Variants in NRDC observed in about 807,000 individuals in gnomAD.
NRDC encodes the protein nardilysin convertase, also known as nardilysin.
Under a neutral mutation model 147.1 loss-of-function variants are expected in NRDC, and 54 were observed. That is an observed-to-expected ratio of 0.37 (90% confidence interval 0.29 to 0.46). NRDC has a LOEUF of 0.46. NRDC is among the 20% of genes least tolerant of loss of function. The probability of loss-of-function intolerance (pLI) is 1.00; values close to 1 mark genes in which losing one functional copy is unlikely to be tolerated. For synonymous variants in NRDC, 440 were observed against 482.1 expected, an observed-to-expected ratio of 0.91 and a Z score of 1.14; for missense variants, 1,082 against 1,370.6, an observed-to-expected ratio of 0.79 and a Z score of 3.33.
chr1:51,818,238 G>A (rs1385321742), intron 9 of NRDC, 103 bp from the exon 10 acceptor site: 9 of 746,030 alleles, frequency 1.2e-5, no homozygotes, highest in African/African-American at 1.8e-5. Context: ...AATAAACAAG[G>A]AAAGGTTAAG....
intron 1 of NRDC, among the ~76,000 whole-genome samples, chr1:51,877,041 A>G (rs1368651112): frequency 6.6e-6 from 1 of 152,136 alleles, no homozygotes; most frequent in Non-Finnish European, 1.5e-5. Flanking sequence ...ACAAAAAATT[A>G]GCCGGGCGTG....
At chr1:51,792,261 C>G (rs1365175838) in intron 25 of NRDC, 116 bp downstream of exon 25, 2 of 1,344,190 alleles carry the variant, frequency 1.5e-6, no homozygotes, top group Non-Finnish European at 2.1e-6. Flanking sequence ...ATGACCATCT[C>G]ACCTTCAAAT....
Position 51,810,320 on chromosome 1 carries a change from G to C in NRDC, c.1864C>G (p.Leu622Val). The C allele has an allele frequency of 6.2e-7, 1 of 1,611,278 alleles. No homozygotes were observed. The highest frequency in any genetic ancestry group is 1.3e-5 in the African/African-American group (1 of 74,916). ...TGAGTTCCAAACCATTTCTCCTTGA[G>C]GTCACATTTTCCCTCATTAGCACCA... Reference protein sequence around the residue: ...LSGANEGKCDLKEKWFGTQYS... With the variant: ...LSGANEGKCDVKEKWFGTQYS... Residue 622 changes from leucine to valine, a missense_variant, in exon 16 of 31, where the codon CTC (leucine) becomes GTC (valine). Leu to Val is a conservative substitution (Grantham distance 32). Transcript: ENST00000352171.
At chr1:51,807,047 A>C (rs1679499489) in intron 17 of NRDC, 134 bp from the exon 18 acceptor site, 9 of 898,830 alleles carry the variant, frequency 1.0e-5, no homozygotes. Context: ...GGAATACATT[A>C]AATTAGTAGA....
intron 1 of NRDC, among the ~76,000 whole-genome samples, chr1:51,869,591 TC>T (rs1682985439): frequency 6.6e-6 from 1 of 152,204 alleles, no homozygotes; most frequent in African/African-American, 2.4e-5. Flanking sequence ...AAATCACCTA[TC>T]CTTTTTTATA....
chr1:51,828,052 T>C (rs1036058146), intron 4 of NRDC, among the ~76,000 whole-genome samples, 183 bp from the exon 5 acceptor site: 1 of 152,234 alleles, frequency 6.6e-6, no homozygotes, highest in Non-Finnish European at 1.5e-5. Flanking sequence ...ACTTTTTCAT[T>C]GTGAAATATA....
chr1:51,815,031 A>G (rs938294150), intron 11 of NRDC, among the ~76,000 whole-genome samples: 12 of 152,232 alleles, frequency 7.9e-5, no homozygotes, highest in African/African-American at 2.7e-4. Context: ...CCAGAAGGAA[A>G]TAACAGTCTT....
intron 1 of NRDC, among the ~76,000 whole-genome samples, chr1:51,850,989 A>G (rs1416900807): frequency 6.6e-6 from 1 of 152,174 alleles, no homozygotes; most frequent in African/African-American, 2.4e-5. Context: ...AAAATGGGAC[A>G]AAAGTCTGGA....
intron 1 of NRDC, among the ~76,000 whole-genome samples, chr1:51,847,004 TCACAAACC>T (rs1681661918): frequency 6.9e-6 from 1 of 144,536 alleles, no homozygotes; most frequent in African/African-American, 2.4e-5. Context: ...ATTGGTGCAT[TCACAAACC>T]TTGAGATAGA....
At position 51,800,617 on chromosome 1, in the gene NRDC, T is replaced by C; in HGVS notation, c.2380A>G (p.Ile794Val). 6.2e-7 allele frequency: 1 copy of C among 1,614,102 alleles called. No homozygotes were observed. Among genetic ancestry groups the C allele is most frequent in the Non-Finnish European group, 8.5e-7 (1 of 1,179,968 alleles). ...TAGGTCTTCTTCAACTGCTCAGTTA[T>C]CATTGTAAAGACAGCTGGTGTGGAA... ...FNSTPAVFTMITEQLKKTYFN... is the reference protein window; with the variant it reads ...FNSTPAVFTMVTEQLKKTYFN... Residue 794 changes from isoleucine to valine, a missense_variant, in exon 21 of 31, where the codon ATA (isoleucine) becomes GTA (valine). Ile to Val is a conservative substitution (Grantham distance 29). Around this residue, in one of 3 missense-constraint regions of NRDC, gnomAD observed 635 missense variants for 923.8 expected, o/e 0.69. Coordinates refer to ENST00000352171, the MANE Select transcript of NRDC (RefSeq NM_001101662.2).
chr1:51,845,772 G>A (rs1035242333), intron 1 of NRDC, among the ~76,000 whole-genome samples: 4 of 152,042 alleles, frequency 2.6e-5, no homozygotes, highest in Non-Finnish European at 4.4e-5. Context: ...TGTTATCTCT[G>A]AGGACAGAGC....
chr1:51,874,205 A>C (rs1683219522), intron 1 of NRDC, among the ~76,000 whole-genome samples: 2 of 152,012 alleles, frequency 1.3e-5, no homozygotes. Context: ...CTCCATAGAA[A>C]TACAGGTCTT....
chr1:51,791,780 A>T, intron 26 of NRDC, 119 bp from the exon 27 acceptor site: 1 of 825,952 alleles, frequency 1.2e-6, no homozygotes, highest in Non-Finnish European at 2.0e-6. Flanking sequence ...GGAAGTCCTG[A>T]AACAGGACCC....
chr1:51,805,464 C>T (rs765898120), intron 19 of NRDC, 46 bp downstream of exon 19: 1 of 1,371,558 alleles, frequency 7.3e-7, no homozygotes. Context: ...AATAGTTTTT[C>T]AATAACTAAA....
intron 1 of NRDC, among the ~76,000 whole-genome samples, chr1:51,874,929 C>T (rs770145753): frequency 5.3e-5 from 8 of 152,188 alleles, no homozygotes; most frequent in Non-Finnish European, 1.2e-4. Context: ...CCACAATATT[C>T]CTCTAAATGG....
intron 2 of NRDC, chr1:51,836,496 C>T (rs1571884324): frequency 7.2e-7 from 1 of 1,397,240 alleles, no homozygotes; most frequent in South Asian, 1.2e-5. Flanking sequence ...GGACAGCCCA[C>T]CCAAATATCA....
intron 21 of NRDC, 163 bp from the exon 22 acceptor site, chr1:51,798,574 A>C: frequency 1.7e-6 from 1 of 599,122 alleles, no homozygotes; most frequent in Non-Finnish European, 2.8e-6. Context: ...TAACCAAAAA[A>C]GTACTGAAAA....
chr1:51,794,859 G>A lies in NRDC; in HGVS notation c.2605-5C>T. On this transcript the variant is annotated splice_polypyrimidine_tract_variant and splice_region_variant and intron_variant, in intron 22 of 30. Coordinates refer to ENST00000352171, the MANE Select transcript of NRDC (RefSeq NM_001101662.2). ...TTTCAGGAAATCCATAGATTCCTAA[G>A]AGGCAAAAGAGAATAACTACATTAA... 4 of 1,613,856 alleles carry A rather than the reference G, an allele frequency of 2.5e-6. No homozygotes were observed. The highest frequency in any genetic ancestry group is 2.5e-6 in the Non-Finnish European group (3 of 1,179,900).
chr1:51,854,522 A>C (rs1489402137), intron 1 of NRDC, among the ~76,000 whole-genome samples: 1 of 152,234 alleles, frequency 6.6e-6, no homozygotes, highest in Non-Finnish European at 1.5e-5. Context: ...CAGGGACCCC[A>C]AGCATAGAAA....
Sources: allele counts gnomAD v4.1 joint callset (sites outside exome capture counted in the v4.1 genomes callset), GRCh38; gene constraint gnomAD v4.1.1; regional missense constraint gnomAD v4.1.1; transcripts MANE v1.5; gene names NCBI Gene and HGNC (gene_info 2026-07-23, HGNC 2026-07-21).